Variants in PTPRC observed in about 807,000 individuals in gnomAD.
PTPRC encodes the protein receptor-type tyrosine-protein phosphatase C.
Under a neutral mutation model 155.9 loss-of-function variants are expected in PTPRC, and 44 were observed. The ratio of observed to expected loss-of-function variants is 0.28; its 90% CI spans 0.22 to 0.36. PTPRC has a LOEUF of 0.36. Ranked by LOEUF, PTPRC falls within the 10% of genes least tolerant of loss-of-function variation. The pLI is 1.00. For synonymous variants in PTPRC, 525 were observed against 533.1 expected (o/e 0.98, Z 0.21); for missense variants, 1,401 against 1,564.6 (o/e 0.90, Z 1.76).
chr1:198,729,068 A>G (rs753286462), intron 16 of PTPRC, 69 bp from the exon 17 acceptor site: 219 of 1,537,210 alleles, frequency 1.4e-4, no homozygotes, highest in Non-Finnish European at 1.8e-4. Context: ...TTCATTAAAT[A>G]TAAGTAAAAT....
chr1:198,693,876 T>G, intron 3 of PTPRC: 1 of 1,083,248 alleles, frequency 9.2e-7, no homozygotes, highest in Non-Finnish European at 1.2e-6. Flanking sequence ...GAAGTAATCT[T>G]TAGGAATGCT....
rs1654529530 is a variant in PTPRC, at chr1:198,734,391, T to C, written c.2243T>C (p.Ile748Thr). 1 of 1,611,050 alleles carries C rather than the reference T, an allele frequency of 6.2e-7. No individual in the cohort carries two copies. Among genetic ancestry groups the C allele is most frequent in the Non-Finnish European group, 8.5e-7 (1 of 1,177,912 alleles). Residue 748 changes from isoleucine to threonine, a missense_variant, in exon 22 of 33, where the codon ATT (isoleucine) becomes ACT (threonine). Physicochemically the swap from Ile to Thr is moderately conservative, Grantham distance 89. Around this residue, in one of 3 missense-constraint regions of PTPRC, gnomAD observed 867 missense variants for 970.4 expected, o/e 0.89. Transcript: ENST00000442510. The part of the protein sequence containing the change: ...RMIWEQKATV[I>T]VMVTRCEEGN... ...ATTTGGGAACAGAAAGCCACAGTTATTGTCATGGTCACTCGATGTGAAGAA... is the reference window on the plus strand; with the variant it reads ...ATTTGGGAACAGAAAGCCACAGTTACTGTCATGGTCACTCGATGTGAAGAA...
chr1:198,740,806 G>A (rs868834795), intron 23 of PTPRC, among the ~76,000 whole-genome samples: 2 of 151,828 alleles, frequency 1.3e-5, no homozygotes, highest in South Asian at 2.1e-4. Flanking sequence ...ATTGTAAAAT[G>A]TCTCTTGATA....
At chr1:198,727,457 AT>A (rs1264563906) in intron 15 of PTPRC, among the ~76,000 whole-genome samples, 2 of 151,946 alleles carry the variant, frequency 1.3e-5, no homozygotes, top group Admixed American at 6.6e-5. Context: ...AGCCAAAAAT[AT>A]TTTTTTTGTG....
At chr1:198,655,376 A>G (rs1663502985) in intron 2 of PTPRC, among the ~76,000 whole-genome samples, 2 of 152,112 alleles carry the variant, frequency 1.3e-5, no homozygotes, top group African/African-American at 4.8e-5. Context: ...CTATTTTACA[A>G]AAAAGAAAAT....
At chr1:198,746,363 C>G (rs1438984407) in intron 26 of PTPRC, among the ~76,000 whole-genome samples, 1 of 151,480 alleles carries the variant, frequency 6.6e-6, no homozygotes, top group African/African-American at 2.4e-5. Flanking sequence ...TTTCTTGAAG[C>G]TGTGAGGTAA....
chr1:198,750,098 A>C (rs1655310778), intron 28 of PTPRC, among the ~76,000 whole-genome samples: 1 of 151,942 alleles, frequency 6.6e-6, no homozygotes, highest in Non-Finnish European at 1.5e-5. Flanking sequence ...ATAGAATATT[A>C]GTTTAATTAG....
At chr1:198,744,243 T>A (rs1412000778) in intron 26 of PTPRC, 40 bp downstream of exon 26, 2 of 1,544,724 alleles carry the variant, frequency 1.3e-6, no homozygotes, top group Non-Finnish European at 1.8e-6. Context: ...TACAGATAAC[T>A]TTTATTCAGT....
chr1:198,742,156 T>G, intron 24 of PTPRC, 76 bp from the exon 25 acceptor site: 2 of 1,606,076 alleles, frequency 1.2e-6, no homozygotes. Flanking sequence ...GGGAGAAGCT[T>G]AGATTCTTAT....
intron 2 of PTPRC, among the ~76,000 whole-genome samples, chr1:198,690,840 A>G (rs1208290722): frequency 6.6e-6 from 1 of 152,136 alleles, no homozygotes; most frequent in Non-Finnish European, 1.5e-5. Context: ...AAGATGAGGG[A>G]TGAAAACATT....
At chr1:198,669,097 A>T (rs1046647938) in intron 2 of PTPRC, among the ~76,000 whole-genome samples, 2 of 152,238 alleles carry the variant, frequency 1.3e-5, no homozygotes, top group African/African-American at 4.8e-5. Flanking sequence ...CTTCGCAAAT[A>T]AAATGGTTGA....
At chr1:198,746,176 TA>T (rs919717007) in intron 26 of PTPRC, among the ~76,000 whole-genome samples, 3 of 151,810 alleles carry the variant, frequency 2.0e-5, no homozygotes, top group African/African-American at 7.2e-5. Flanking sequence ...TAGCCAAGCC[TA>T]AAACTAAATG....
At chr1:198,693,455 T>C (rs1326505791) in intron 3 of PTPRC, among the ~76,000 whole-genome samples, 1 of 152,164 alleles carries the variant, frequency 6.6e-6, no homozygotes, top group Non-Finnish European at 1.5e-5. Flanking sequence ...TACCAGATGG[T>C]TATTTTTGCA....
chr1:198,729,089 T>C, intron 16 of PTPRC, 48 bp from the exon 17 acceptor site: 1 of 1,593,874 alleles, frequency 6.3e-7, no homozygotes, highest in Non-Finnish European at 8.6e-7. Context: ...ACCAATTGAA[T>C]TTTGTGCTTC....
intron 24 of PTPRC, 94 bp downstream of exon 24, chr1:198,742,120 A>C: frequency 6.2e-7 from 1 of 1,600,940 alleles, no homozygotes; most frequent in Admixed American, 1.7e-5. Flanking sequence ...TCCCTTTGGC[A>C]ATTGCTATTT....
At chr1:198,729,222 C>CCATT in intron 17 of PTPRC, 51 bp downstream of exon 17, 3 of 1,535,174 alleles carry the variant, frequency 2.0e-6, no homozygotes, top group Non-Finnish European at 2.6e-6. Flanking sequence ...GCATTTGAAT[C>CCATT]CATTCATTTT....
At chr1:198,707,574 T>C (rs1226431326) in intron 9 of PTPRC, among the ~76,000 whole-genome samples, 1 of 152,202 alleles carries the variant, frequency 6.6e-6, no homozygotes, top group Non-Finnish European at 1.5e-5. Context: ...AATTCAAGAC[T>C]ATTAATAAAT....
chr1:198,756,836 TATTTA>T lies in PTPRC; in HGVS notation c.*659_*663del, dbSNP rs1239526942. On this transcript the variant is annotated 3_prime_UTR_variant, in exon 33 of 33. Transcript: ENST00000442510. ...ATTTAGTCCAATGTCTTTTTAAGCTTATTTAATTAAAAAATTTCCAGTGAGCTTAT... is the reference window on the plus strand; with the variant it reads ...ATTTAGTCCAATGTCTTTTTAAGCTTATTAAAAAATTTCCAGTGAGCTTAT... 1.3e-5 allele frequency: 2 copies of T among 151,992 alleles called. No individual in the cohort carries two copies. Among genetic ancestry groups the T allele is most frequent in the African/African-American group, 4.8e-5 (2 of 41,442 alleles). 9.4% of individuals were successfully genotyped at this position (151,992 alleles called of 1,614,324 possible). A position where few individuals can be genotyped will look rare whatever the true frequency, so the allele number is the denominator to read the frequency against.
chr1:198,719,573 T>TTTTTG (rs375373370), intron 14 of PTPRC, among the ~76,000 whole-genome samples: 37 of 152,218 alleles, frequency 2.4e-4, no homozygotes, highest in East Asian at 3.9e-4. Flanking sequence ...TCATATTCTT[T>TTTTTG]TTTTGTTTTG....
Sources: allele counts gnomAD v4.1 joint callset (sites outside exome capture counted in the v4.1 genomes callset), GRCh38; gene constraint gnomAD v4.1.1; regional missense constraint gnomAD v4.1.1; transcripts MANE v1.5; gene names NCBI Gene and HGNC (gene_info 2026-07-23, HGNC 2026-07-21).